Variants in DUSP22 observed in about 807,000 individuals in gnomAD.
DUSP22 encodes the protein dual specificity protein phosphatase 22.
Under a neutral mutation model 24.5 loss-of-function variants are expected in DUSP22, and 24 were observed. The ratio of observed to expected loss-of-function variants is 0.98; its 90% CI spans 0.71 to 1.38. The LOEUF is 1.38. DUSP22 is among the 40% of genes most tolerant of loss of function. The probability of loss-of-function intolerance (pLI) is 0.00; values close to 1 mark genes in which losing one functional copy is unlikely to be tolerated. For missense variants in DUSP22, 330 were observed against 269.2 expected, an observed-to-expected ratio of 1.23 and a Z score of -1.58; for synonymous variants, 160 against 106.4, an observed-to-expected ratio of 1.50 and a Z score of -3.10.
intron 1 of DUSP22, among the ~76,000 whole-genome samples, chr6:296,470 G>C (rs2127388071): frequency 6.6e-6 from 1 of 152,426 alleles, no homozygotes; most frequent in East Asian, 1.9e-4. Context: ...ACGCTGCTAA[G>C]ATATTAGTCT....
At chr6:335,380 G>T (rs1759317092) in intron 4 of DUSP22, among the ~76,000 whole-genome samples, 1 of 152,310 alleles carries the variant, frequency 6.6e-6, no homozygotes, top group Admixed American at 6.5e-5. Flanking sequence ...CTTCCATTAT[G>T]CAGAGAGACT....
rs768442120 is a variant in DUSP22, at chr6:345,884, C to A, written c.219C>A (p.Phe73Leu). ...LTRHFKESIK[F>L]IHECRLRGES... is the part of the protein sequence containing the mutation. ...GACATTTCAAAGAAAGTATTAAATTCATTCACGAGTGCCGGCTCCGCGGTG... is the reference window on the plus strand; with the variant it reads ...GACATTTCAAAGAAAGTATTAAATTAATTCACGAGTGCCGGCTCCGCGGTG... The change falls in exon 5 of 7, where the codon TTC (phenylalanine) becomes TTA (leucine). Residue 73 changes from phenylalanine (F) to leucine (L), a missense_variant. By Grantham distance (22) the Phe-to-Leu change is conservative. Transcript: ENST00000419235. 3 of 1,614,144 alleles carry A rather than the reference C, an allele frequency of 1.9e-6. No individual in the cohort carries two copies. In the Admixed American group the frequency reaches 5.0e-5, roughly 27 times the overall value.
intron 1 of DUSP22, among the ~76,000 whole-genome samples, chr6:298,177 T>A (rs1363922923): frequency 1.3e-5 from 2 of 152,310 alleles, no homozygotes; most frequent in Non-Finnish European, 2.9e-5. Flanking sequence ...GAAGAACAGA[T>A]GTTAAAGGCA....
At chr6:340,254 G>A (rs1430106845) in intron 4 of DUSP22, among the ~76,000 whole-genome samples, 1 of 152,310 alleles carries the variant, frequency 6.6e-6, no homozygotes, top group South Asian at 2.1e-4. Flanking sequence ...TGATACAAAC[G>A]TGGGCTGGTT....
chr6:342,637 C>T (rs867688651), intron 4 of DUSP22, among the ~76,000 whole-genome samples: 5 of 152,424 alleles, frequency 3.3e-5, no homozygotes, highest in East Asian at 1.9e-4. Context: ...GGCAGAATAC[C>T]GTGTTTGACT....
chr6:308,763 A>G (rs1471662698), intron 2 of DUSP22, among the ~76,000 whole-genome samples: 1 of 152,312 alleles, frequency 6.6e-6, no homozygotes, highest in Non-Finnish European at 1.5e-5. Flanking sequence ...ATACTTGATC[A>G]GGGTCCGTAT....
In DUSP22 at chr6:337,851, C is replaced by T. The variant is rs1221542597; in HGVS notation, c.188+2688C>T. Among the ~76,000 whole-genome samples the T allele has an allele frequency of 2.6e-5, 4 of 152,416 alleles. No homozygotes were observed. The East Asian group carries it at 7.7e-4, about 29-fold the overall frequency. On this transcript the variant is annotated intron_variant, in intron 4 of 6. Coordinates refer to ENST00000419235, the MANE Select transcript of DUSP22 (RefSeq NM_001286555.3). ...TTAAGTTTATGGTTTGCTTTTGTAA[C>T]TCTTTCTTTGGCTGGATGACTGGCT...
intron 1 of DUSP22, among the ~76,000 whole-genome samples, chr6:300,930 G>C (rs1424965369): frequency 1.3e-5 from 2 of 152,302 alleles, no homozygotes; most frequent in South Asian, 2.1e-4. Context: ...AGCATTTCTG[G>C]GGCTACCGCA....
chr6:294,822 G>C (rs1757252038), intron 1 of DUSP22, among the ~76,000 whole-genome samples: 1 of 152,282 alleles, frequency 6.6e-6, no homozygotes, highest in South Asian at 2.1e-4. Flanking sequence ...GGGAGGAGTA[G>C]AGGCTCCAGA....
chr6:298,294 C>T (rs1179808330), intron 1 of DUSP22, among the ~76,000 whole-genome samples: 1 of 152,302 alleles, frequency 6.6e-6, no homozygotes, highest in African/African-American at 2.4e-5. Flanking sequence ...GACATTTAAC[C>T]CTTCAAGGAA....
intron 2 of DUSP22, 130 bp from the exon 3 acceptor site, chr6:311,749 TG>T: frequency 1.0e-6 from 1 of 953,702 alleles, no homozygotes; most frequent in South Asian, 1.8e-5. Flanking sequence ...CCTACATGTA[TG>T]GTCAGTTATG....
chr6:320,686 G>A (rs1277869926), intron 3 of DUSP22, among the ~76,000 whole-genome samples: 3 of 152,304 alleles, frequency 2.0e-5, no homozygotes, highest in Non-Finnish European at 2.9e-5. Flanking sequence ...AGCCTTATAG[G>A]ACTAGTGCGG....
chr6:301,883 T>C (rs1260294209), intron 1 of DUSP22, among the ~76,000 whole-genome samples: 1 of 152,308 alleles, frequency 6.6e-6, no homozygotes, highest in East Asian at 1.9e-4. Flanking sequence ...AACATTAGAA[T>C]GTAGAGACGG....
At chr6:310,470 T>A (rs1314930283) in intron 2 of DUSP22, among the ~76,000 whole-genome samples, 1 of 152,306 alleles carries the variant, frequency 6.6e-6, no homozygotes, top group Non-Finnish European at 1.5e-5. Context: ...TGTTATCTTC[T>A]TAGTTTCATA....
chr6:295,168 A>G (rs868700828), intron 1 of DUSP22, among the ~76,000 whole-genome samples: 2 of 152,296 alleles, frequency 1.3e-5, no homozygotes, highest in South Asian at 2.1e-4. Context: ...AATATGTGCA[A>G]TGTCTTTGGA....
intron 3 of DUSP22, among the ~76,000 whole-genome samples, chr6:315,919 G>T (rs561148382): frequency 2.0e-4 from 30 of 152,416 alleles, no homozygotes; most frequent in African/African-American, 7.2e-4. Flanking sequence ...GTGACAGTGA[G>T]AGAAGAGCTG....
chr6:316,686 TC>T (rs1379260821), intron 3 of DUSP22, among the ~76,000 whole-genome samples: 2 of 152,312 alleles, frequency 1.3e-5, no homozygotes, highest in African/African-American at 2.4e-5. Context: ...TTTCGGTGTT[TC>T]ATTTTTCATT....
At chr6:304,006 A>G (rs1006216615) in intron 1 of DUSP22, among the ~76,000 whole-genome samples, 5 of 152,428 alleles carry the variant, frequency 3.3e-5, no homozygotes, top group African/African-American at 1.2e-4. Context: ...AGGTTGGATC[A>G]TTTATTTAAC....
intron 1 of DUSP22, among the ~76,000 whole-genome samples, chr6:302,730 GTAGAGTCACT>G (rs1757641265): frequency 6.6e-6 from 1 of 152,304 alleles, no homozygotes; most frequent in African/African-American, 2.4e-5. Flanking sequence ...GATTATAACT[GTAGAGTCACT>G]GCTGTAAAAA....
Sources: gnomAD v4.1 joint callset for allele counts (sites outside exome capture counted in the v4.1 genomes callset) on GRCh38, gnomAD v4.1.1 for gene constraint, MANE v1.5 for transcripts, NCBI Gene and HGNC (gene_info 2026-07-23, HGNC 2026-07-21) for gene names.